CDC123: variants seen among roughly 807,000 people sequenced by gnomAD.
The protein encoded by CDC123 is translation initiation factor eIF2 assembly protein.
Under a neutral mutation model 54.4 loss-of-function variants are expected in CDC123, and 37 were observed. The ratio of observed to expected loss-of-function variants is 0.68; its 90% CI spans 0.52 to 0.89. The LOEUF is 0.89. Ranked by LOEUF, CDC123 falls within the 40% of genes least tolerant of loss-of-function variation. The pLI is 0.00. For synonymous variants in CDC123, 144 were observed against 136.8 expected, an observed-to-expected ratio of 1.05 and a Z score of -0.37; for missense variants, 361 against 412.1, an observed-to-expected ratio of 0.88 and a Z score of 1.07.
chr10:12,235,666 A>G (rs762567043), intron 8 of CDC123, among the ~76,000 whole-genome samples: 2 of 152,230 alleles, frequency 1.3e-5, no homozygotes, highest in African/African-American at 4.8e-5. Flanking sequence ...TTGTTAATGC[A>G]TATTTTCCAT....
chr10:12,237,719 C>A (rs763055205), intron 9 of CDC123, among the ~76,000 whole-genome samples: 19 of 152,200 alleles, frequency 1.2e-4, no homozygotes, highest in Non-Finnish European at 1.6e-4. Context: ...CAGATGTGAG[C>A]CACCGCACCA....
intron 12 of CDC123, 142 bp from the exon 13 acceptor site, chr10:12,250,169 C>T: frequency 1.9e-6 from 1 of 524,758 alleles, no homozygotes. Flanking sequence ...AAGTGATAAA[C>T]TAGTTTAATG....
intron 4 of CDC123, among the ~76,000 whole-genome samples, chr10:12,212,253 G>A (rs763951869): frequency 3.3e-5 from 5 of 152,212 alleles, no homozygotes; most frequent in Middle Eastern, 3.4e-3. Context: ...CTTGATCTTG[G>A]TTTCTAAATA....
intron 7 of CDC123, among the ~76,000 whole-genome samples, chr10:12,233,748 G>GA (rs1333923399): frequency 6.6e-6 from 1 of 151,956 alleles, no homozygotes; most frequent in Admixed American, 6.6e-5. Flanking sequence ...TATAATAAAT[G>GA]AAAAATGAAA....
At chr10:12,221,111 G>T (rs1465238548) in intron 6 of CDC123, among the ~76,000 whole-genome samples, 2 of 150,938 alleles carry the variant, frequency 1.3e-5, no homozygotes, top group African/African-American at 2.4e-5. Context: ...AGATTATGTT[G>T]TTTATACTAT....
At chr10:12,226,650 C>T (rs1048850198) in intron 6 of CDC123, among the ~76,000 whole-genome samples, 1 of 141,226 alleles carries the variant, frequency 7.1e-6, no homozygotes, top group Non-Finnish European at 1.6e-5. Flanking sequence ...CCTCACATCC[C>T]AGACGATGGG....
chr10:12,219,726 C>T (rs1315120115), intron 6 of CDC123, among the ~76,000 whole-genome samples: 2 of 150,434 alleles, frequency 1.3e-5, no homozygotes, highest in Non-Finnish European at 3.0e-5. Flanking sequence ...ACTCTGTCGC[C>T]CAGGCTGGAG....
intron 7 of CDC123, among the ~76,000 whole-genome samples, chr10:12,231,897 A>G (rs1032020093): frequency 1.3e-5 from 2 of 151,936 alleles, no homozygotes; most frequent in African/African-American, 4.8e-5. Flanking sequence ...CCAGGCTGGA[A>G]TGCAGTGGCG....
chr10:12,200,825 C>T (rs1040951688), intron 2 of CDC123, among the ~76,000 whole-genome samples: 1 of 151,980 alleles, frequency 6.6e-6, no homozygotes. Flanking sequence ...TCCTACTACT[C>T]GGGAAGCCGA....
chr10:12,207,373 A>G (rs1467130085), intron 2 of CDC123, among the ~76,000 whole-genome samples: 1 of 152,062 alleles, frequency 6.6e-6, no homozygotes, highest in Non-Finnish European at 1.5e-5. Context: ...CATCTTTTAT[A>G]TTCGAGGATA....
intron 10 of CDC123, among the ~76,000 whole-genome samples, chr10:12,239,994 C>T (rs187732355): frequency 0.036 from 4,927 of 135,122 alleles, 118 homozygotes; most frequent in African/African-American, 0.041. Context: ...GGCTACAGAG[C>T]GAGACTCCGT....
chr10:12,240,007 CAAAAA>C (rs34192186), intron 10 of CDC123, among the ~76,000 whole-genome samples: 1 of 101,702 alleles, frequency 9.8e-6, no homozygotes. Context: ...GACTCCGTCT[CAAAAA>C]AAAAAAAAAA....
intron 6 of CDC123, among the ~76,000 whole-genome samples, chr10:12,225,695 G>A (rs1835801571): frequency 2.1e-5 from 3 of 144,366 alleles, no homozygotes; most frequent in Admixed American, 2.1e-4. Flanking sequence ...GCAACTATGA[G>A]CCAGTCCCAA....
chr10:12,217,344 T>C lies in CDC123; in HGVS notation c.334-17T>C. The C allele has an allele frequency of 6.2e-7, 1 of 1,607,744 alleles. No homozygotes were observed. Among genetic ancestry groups the C allele is most frequent in the Non-Finnish European group, 8.5e-7 (1 of 1,175,968 alleles). ...AACATGGAATATGGACTAAATAGCA[T>C]GTGCTTCATTCTTTAGGATGCGTAT... On this transcript the variant is annotated splice_polypyrimidine_tract_variant and intron_variant, in intron 5 of 12. Transcript: ENST00000281141.
In CDC123 at chr10:12,209,534, C is replaced by A. The variant is rs561028691; in HGVS notation, c.147-433C>A. The stretch of plus-strand genomic sequence containing the variant: ...ACAGGTGTGAGCCACCATGACTGGC[C>A]TTGTTCTTCAATTTTAAGGCTTTTA... On this transcript the variant is annotated intron_variant, in intron 2 of 12. Coordinates refer to ENST00000281141, the MANE Select transcript of CDC123 (RefSeq NM_006023.3). Among the ~76,000 whole-genome samples, 5 of 152,172 alleles carry A rather than the reference C, an allele frequency of 3.3e-5. No individual in the cohort carries two copies. The East Asian group carries it at 7.7e-4, about 23-fold the overall frequency.
chr10:12,202,710 G>A (rs779732473), intron 2 of CDC123, among the ~76,000 whole-genome samples: 14 of 152,226 alleles, frequency 9.2e-5, no homozygotes, highest in Non-Finnish European at 1.8e-4. Flanking sequence ...TCGGTTTACC[G>A]GTTTATCATA....
chr10:12,238,474 A>G lies in CDC123; in HGVS notation c.706A>G (p.Arg236Gly), dbSNP rs745412087. The change falls in exon 10 of 13, where the codon AGA becomes GGA. Residue 236 changes from arginine (R) to glycine (G), a missense_variant. By Grantham distance (125) the Arg-to-Gly change is moderately radical (BLOSUM62 -2). Coordinates refer to ENST00000281141, the MANE Select transcript of CDC123 (RefSeq NM_006023.3). ...LDEDFVFDIY[R>G]DSRGKVWLID... is the part of the protein sequence containing the mutation. The stretch of plus-strand genomic sequence containing the variant: ...CTTTACAGTTGTGTTCGATATATAC[A>G]GAGACAGTAGGGTAAGTAAAAACTC... 6.2e-7 allele frequency: 1 copy of G among 1,608,868 alleles called. No homozygotes were observed. Among genetic ancestry groups the G allele is most frequent in the South Asian group, 1.1e-5 (1 of 89,624 alleles).
In CDC123 at chr10:12,201,605, G is replaced by C. The variant is rs113511938; in HGVS notation, c.146+2829G>C. Among the ~76,000 whole-genome samples, 287 of 151,892 alleles carry C rather than the reference G, an allele frequency of 1.9e-3. 1 individual carries two copies. The highest frequency in any genetic ancestry group is 6.3e-3 in the African/African-American group (259 of 41,206). The stretch of plus-strand genomic sequence containing the variant: ...AGCTAGAGTATGGGGAGTGAGAGAA[G>C]GGTAAGTGGCATGAGATTCACAGTT... On this transcript the variant is annotated intron_variant, in intron 2 of 12. Transcript: ENST00000281141.
intron 11 of CDC123, 133 bp downstream of exon 11, chr10:12,246,410 A>G (rs1836138388): frequency 3.2e-6 from 3 of 931,332 alleles, no homozygotes; most frequent in Non-Finnish European, 4.8e-6. Context: ...AGCTTTACTA[A>G]TAGCTAACCT....
Sources: allele counts gnomAD v4.1 joint callset (sites outside exome capture counted in the v4.1 genomes callset), GRCh38; gene constraint gnomAD v4.1.1; transcripts MANE v1.5; gene names NCBI Gene and HGNC (gene_info 2026-07-23, HGNC 2026-07-21).